The following PIK3AP1 variants were observed in gnomAD, a reference collection of about 807,000 sequenced individuals.
The protein encoded by PIK3AP1 is phosphoinositide-3-kinase adaptor protein 1.
In PIK3AP1, 21 loss-of-function variants were observed where a neutral mutation model predicts 88.1. The ratio of observed to expected loss-of-function variants is 0.24; its 90% CI spans 0.17 to 0.34. The LOEUF (loss-of-function observed/expected upper bound fraction) is 0.34. Ranked by LOEUF, PIK3AP1 falls within the 10% of genes least tolerant of loss-of-function variation. PIK3AP1 has a pLI of 1.00. For synonymous variants in PIK3AP1, 398 were observed against 400.0 expected (o/e 1.00, Z 0.06); for missense variants, 828 against 1,035.7 (o/e 0.80, Z 2.75).
chr10:96,672,844 G>A (rs1374778579), intron 2 of PIK3AP1, among the ~76,000 whole-genome samples: 1 of 152,180 alleles, frequency 6.6e-6, no homozygotes, highest in African/African-American at 2.4e-5. Flanking sequence ...AAGAAGCCAA[G>A]GGTCAGCTGG....
intron 8 of PIK3AP1, among the ~76,000 whole-genome samples, chr10:96,628,889 C>T (rs11188862): frequency 0.058 from 3,473 of 59,722 alleles, 692 homozygotes; most frequent in Non-Finnish European, 0.069. Context: ...TATATATATA[C>T]ATATATATAT....
intron 1 of PIK3AP1, among the ~76,000 whole-genome samples, chr10:96,718,913 A>G: frequency 6.6e-6 from 1 of 150,930 alleles, no homozygotes; most frequent in African/African-American, 2.4e-5. Context: ...CACCACATAC[A>G]CTCATTGCTT....
chr10:96,606,307 C>T (rs1753644698), intron 14 of PIK3AP1, among the ~76,000 whole-genome samples: 1 of 152,178 alleles, frequency 6.6e-6, no homozygotes, highest in African/African-American at 2.4e-5. Flanking sequence ...GCCCACGGGC[C>T]CCCATCCCTC....
intron 7 of PIK3AP1, among the ~76,000 whole-genome samples, chr10:96,648,315 T>G (rs937343338): frequency 6.6e-6 from 1 of 152,174 alleles, no homozygotes; most frequent in African/African-American, 2.4e-5. Flanking sequence ...TTCTGTAAAT[T>G]CTGTGAGGGT....
At chr10:96,688,408 G>A (rs1844104429) in intron 2 of PIK3AP1, among the ~76,000 whole-genome samples, 1 of 152,156 alleles carries the variant, frequency 6.6e-6, no homozygotes, top group African/African-American at 2.4e-5. Flanking sequence ...CTCAGAAAAT[G>A]TTTATAACAT....
chr10:96,688,062 C>G (rs1221417560), intron 2 of PIK3AP1, among the ~76,000 whole-genome samples: 2 of 152,166 alleles, frequency 1.3e-5, no homozygotes, highest in African/African-American at 4.8e-5. Flanking sequence ...TAAGCACACT[C>G]TTTCTCTTCA....
intron 2 of PIK3AP1, among the ~76,000 whole-genome samples, chr10:96,685,735 G>GTCCATA (rs1159525236): frequency 2.0e-5 from 3 of 152,182 alleles, no homozygotes; most frequent in Non-Finnish European, 4.4e-5. Context: ...CAGGGTCCAT[G>GTCCATA]TCCACATGTC....
At chr10:96,705,434 C>G (rs1034132635) in intron 2 of PIK3AP1, among the ~76,000 whole-genome samples, 1 of 152,182 alleles carries the variant, frequency 6.6e-6, no homozygotes. Context: ...AAAGGCAACC[C>G]ATTCCACCTT....
chr10:96,679,087 AGAT>A (rs1843964048), intron 2 of PIK3AP1, among the ~76,000 whole-genome samples: 1 of 152,264 alleles, frequency 6.6e-6, no homozygotes, highest in Non-Finnish European at 1.5e-5. Context: ...TTTGAATCTT[AGAT>A]GATCAGAATT....
intron 8 of PIK3AP1, chr10:96,632,957 T>C: frequency 6.2e-7 from 1 of 1,612,876 alleles, no homozygotes; most frequent in Non-Finnish European, 8.5e-7. Flanking sequence ...AGCAGGGCAG[T>C]GAAGAGAGCT....
chr10:96,653,320 A>C (rs569038696), intron 3 of PIK3AP1, among the ~76,000 whole-genome samples: 40 of 148,946 alleles, frequency 2.7e-4, no homozygotes, highest in African/African-American at 8.9e-4. Flanking sequence ...CAGGAGAATC[A>C]CTTGAACCCA....
chr10:96,685,752 C>T (rs762733669), intron 2 of PIK3AP1, among the ~76,000 whole-genome samples: 1 of 152,124 alleles, frequency 6.6e-6, no homozygotes, highest in Non-Finnish European at 1.5e-5. Flanking sequence ...TGTCCTGGTC[C>T]GATGCAGCAG....
rs762971506 is a variant in PIK3AP1 at position 96,616,698 on chromosome 10, C to T, written c.1955G>A (p.Arg652Gln). 10 of 1,614,034 alleles carry T rather than the reference C, an allele frequency of 6.2e-6. No homozygotes were observed. The highest frequency in any genetic ancestry group is 2.7e-5 in the African/African-American group (2 of 74,912). The change falls in exon 13 of 17, where the codon CGG becomes CAG. Residue 652 changes from arginine (R) to glutamine (Q), a missense_variant. This residue lies in a region of PIK3AP1 where 191 missense variants were observed against 208.6 expected (regional missense o/e 0.92). Transcript: ENST00000339364. ...SFRFQQENLK[R>Q]LRDSITRRQR... ...TCTTCGGGTGATGCTGTCTCTTAGC[C>T]GTTTAAGATTTTCCTGGAAAAAAAT...
chr10:96,658,958 G>A (rs961063124), intron 2 of PIK3AP1, among the ~76,000 whole-genome samples: 10 of 151,988 alleles, frequency 6.6e-5, no homozygotes, highest in Non-Finnish European at 8.8e-5. Flanking sequence ...GTAGGCTGCC[G>A]TTTTCTCTGC....
intron 14 of PIK3AP1, 99 bp from the exon 15 acceptor site, chr10:96,604,148 T>C (rs1199487004): frequency 2.0e-6 from 2 of 1,003,482 alleles, no homozygotes; most frequent in Non-Finnish European, 2.9e-6. Context: ...ATATAAATAA[T>C]ACATAAGCTG....
chr10:96,598,033 G>T (rs138975052), intron 16 of PIK3AP1, among the ~76,000 whole-genome samples: 14 of 111,252 alleles, frequency 1.3e-4, no homozygotes, highest in African/African-American at 3.3e-4. Flanking sequence ...GGTTTTTTTT[G>T]TTTTTTTGTT....
intron 2 of PIK3AP1, among the ~76,000 whole-genome samples, chr10:96,671,480 C>T (rs905244199): frequency 1.3e-5 from 2 of 152,152 alleles, no homozygotes; most frequent in Non-Finnish European, 2.9e-5. Flanking sequence ...ACCCAACCCA[C>T]AAGTCACCAG....
chr10:96,601,083 A>AG (rs1265944878), intron 16 of PIK3AP1, among the ~76,000 whole-genome samples: 1 of 151,690 alleles, frequency 6.6e-6, no homozygotes, highest in Non-Finnish European at 1.5e-5. Context: ...CCTGTATAAA[A>AG]AAAAAGATCA....
intron 8 of PIK3AP1, among the ~76,000 whole-genome samples, chr10:96,628,822 A>T (rs2134209210): frequency 6.7e-6 from 1 of 149,266 alleles, no homozygotes; most frequent in East Asian, 1.9e-4. Flanking sequence ...GCAGGAATAC[A>T]TTGTGTTTTA....
Sources: allele counts gnomAD v4.1 joint callset (sites outside exome capture counted in the v4.1 genomes callset), GRCh38; gene constraint gnomAD v4.1.1; regional missense constraint gnomAD v4.1.1; transcripts MANE v1.5; gene names NCBI Gene and HGNC (gene_info 2026-07-23, HGNC 2026-07-21).